UBE2E1: variants seen among roughly 807,000 people sequenced by gnomAD.
UBE2E1 encodes the protein ubiquitin-conjugating enzyme E2 E1.
A neutral mutation model predicts 21.4 loss-of-function variants in UBE2E1; 6 were observed. That is an observed-to-expected ratio of 0.28 (90% CI 0.15 to 0.55). The LOEUF (loss-of-function observed/expected upper bound fraction) is 0.55, where lower values mean the gene tolerates loss of function less well. UBE2E1 is among the 20% of genes least tolerant of loss of function. The probability of loss-of-function intolerance (pLI) is 0.93; values close to 1 mark genes in which losing one functional copy is unlikely to be tolerated. For missense variants in UBE2E1, 142 were observed against 236.5 expected (o/e 0.60, Z 2.62); for synonymous variants, 87 against 82.7 (o/e 1.05, Z -0.28).
At chr3:23,827,279 A>G (rs556680242) in intron 3 of UBE2E1, among the ~76,000 whole-genome samples, 16 of 152,352 alleles carry the variant, frequency 1.1e-4, no homozygotes, top group African/African-American at 3.8e-4. Context: ...TATATCCAGT[A>G]TTCTGGGTGT....
At chr3:23,859,125 TA>T in intron 3 of UBE2E1, among the ~76,000 whole-genome samples, 1 of 152,196 alleles carries the variant, frequency 6.6e-6, no homozygotes, top group African/African-American at 2.4e-5. Flanking sequence ...GTTACCTCAC[TA>T]AACACTCCTG....
intron 3 of UBE2E1, among the ~76,000 whole-genome samples, chr3:23,856,765 G>A (rs1473731489): frequency 6.6e-6 from 1 of 152,170 alleles, no homozygotes; most frequent in South Asian, 2.1e-4. Context: ...AGGTTAGAGG[G>A]GAATCAGAAA....
chr3:23,859,489 C>G (rs911506297), intron 3 of UBE2E1, among the ~76,000 whole-genome samples: 1 of 152,336 alleles, frequency 6.6e-6, no homozygotes, highest in African/African-American at 2.4e-5. Context: ...TTACCAGTGT[C>G]TGCTTACCAG....
Position 23,862,082 on chromosome 3 carries a change from G to A in UBE2E1, c.204-25485G>A, listed in dbSNP as rs529358078. ...CCGTGGGGTCGGCGCCTCACAGCCC[G>A]CCTGTCTGTATGCTCCCCTAGAGGT... On this transcript the variant is annotated intron_variant, in intron 3 of 5. Transcript: ENST00000306627. Among the ~76,000 whole-genome samples the A allele has an allele frequency of 3.0e-4, 45 of 152,300 alleles. 1 individual carries two copies. Among genetic ancestry groups the A allele is most frequent in the African/African-American group, 5.5e-4 (23 of 41,562 alleles).
chr3:23,874,741 A>G (rs1305810832), intron 3 of UBE2E1, among the ~76,000 whole-genome samples: 1 of 152,164 alleles, frequency 6.6e-6, no homozygotes, highest in African/African-American at 2.4e-5. Context: ...ATCCACCTTT[A>G]TCCTGACTTA....
intron 3 of UBE2E1, among the ~76,000 whole-genome samples, chr3:23,873,016 CAA>C (rs530180788): frequency 1.4e-5 from 2 of 140,702 alleles, no homozygotes. Context: ...GACTCCATCT[CAA>C]AAAAAAAAAA....
In UBE2E1 at chr3:23,842,615, G is replaced by C. The variant is rs1216678256; in HGVS notation, c.203+31105G>C. On this transcript the variant is annotated intron_variant, in intron 3 of 5. Coordinates refer to ENST00000306627, the MANE Select transcript of UBE2E1 (RefSeq NM_003341.5). The surrounding 1 kb of genome is among the most constrained non-coding windows in gnomAD (Gnocchi z 4.6). Reference sequence around the variant, plus strand: ...CTGAATTCATAGCTTGAGGAAATAAGTCGGAGTCTCATACCTCTGTGTCAA... The same window carrying C: ...CTGAATTCATAGCTTGAGGAAATAACTCGGAGTCTCATACCTCTGTGTCAA... Among the ~76,000 whole-genome samples, 4 of 152,154 alleles carry C rather than the reference G, an allele frequency of 2.6e-5. No individual in the cohort carries two copies.
intron 3 of UBE2E1, among the ~76,000 whole-genome samples, chr3:23,832,850 G>A (rs1699898460): frequency 6.6e-6 from 1 of 151,914 alleles, no homozygotes; most frequent in Non-Finnish European, 1.5e-5. Context: ...GAGCAACATG[G>A]TGAAACCCCC....
chr3:23,840,077 A>T (rs1700053908), intron 3 of UBE2E1, among the ~76,000 whole-genome samples: 1 of 152,130 alleles, frequency 6.6e-6, no homozygotes, highest in South Asian at 2.1e-4. Context: ...ATAGTCTAAC[A>T]TGCTGTTAAT....
Position 23,807,430 on chromosome 3 carries a change from C to T in UBE2E1, c.152+9C>T. 2 of 1,594,910 alleles carry T rather than the reference C, an allele frequency of 1.3e-6. No individual in the cohort carries two copies. Among genetic ancestry groups the T allele is most frequent in the Non-Finnish European group, 1.7e-6 (2 of 1,174,482 alleles). ...TCCACCAGCGCCAAGAGGTACTGTG[C>T]TCTTTTTTTTTTCCACAGGCTTCCT... On this transcript the variant is annotated intron_variant, in intron 2 of 5. Coordinates refer to ENST00000306627, the MANE Select transcript of UBE2E1 (RefSeq NM_003341.5).
chr3:23,876,076 T>C lies in UBE2E1; in HGVS notation c.204-11491T>C, dbSNP rs1271539052. Among the ~76,000 whole-genome samples, 15 of 152,154 alleles carry C rather than the reference T, an allele frequency of 9.9e-5. No individual in the cohort carries two copies. Among genetic ancestry groups the C allele is most frequent in the Admixed American group, 7.9e-4 (12 of 15,280 alleles). On this transcript the variant is annotated intron_variant, in intron 3 of 5. Transcript: ENST00000306627. This position sits in a 1 kb window ranked among gnomAD's most constrained non-coding sequence, Gnocchi z 4.3. Reference sequence around the variant, plus strand: ...GTGAGCCACTGTGCCCAGCCAAATATGTGAATTCTTGTGTGTGGGTACTAG... The same window carrying C: ...GTGAGCCACTGTGCCCAGCCAAATACGTGAATTCTTGTGTGTGGGTACTAG...
At chr3:23,851,439 T>TA (rs1384264332) in intron 3 of UBE2E1, among the ~76,000 whole-genome samples, 1 of 152,172 alleles carries the variant, frequency 6.6e-6, no homozygotes. Flanking sequence ...TGTTTTTTTT[T>TA]AAACAGTCCA....
At chr3:23,885,414 A>T (rs898033988) in intron 3 of UBE2E1, among the ~76,000 whole-genome samples, 1 of 152,218 alleles carries the variant, frequency 6.6e-6, no homozygotes, top group Non-Finnish European at 1.5e-5. Context: ...ATATCATTTC[A>T]CTGGAGAAGT....
intron 3 of UBE2E1, among the ~76,000 whole-genome samples, chr3:23,880,108 C>T (rs1701004826): frequency 6.6e-6 from 1 of 152,148 alleles, no homozygotes; most frequent in African/African-American, 2.4e-5. Context: ...TTAGGCTGGG[C>T]GCAGTGGCTC....
chr3:23,884,136 C>A (rs1030786064), intron 3 of UBE2E1, among the ~76,000 whole-genome samples: 2 of 151,406 alleles, frequency 1.3e-5, no homozygotes, highest in African/African-American at 4.8e-5. Context: ...AAGTGTAATA[C>A]GTTTTTTGTC....
At chr3:23,815,772 A>G (rs898709803) in intron 3 of UBE2E1, among the ~76,000 whole-genome samples, 1 of 152,254 alleles carries the variant, frequency 6.6e-6, no homozygotes, top group African/African-American at 2.4e-5. Context: ...CCTGTATCTT[A>G]TGTGCTAAAA....
chr3:23,811,414 G>A (rs1699389581), intron 2 of UBE2E1, 46 bp from the exon 3 acceptor site: 1 of 1,604,026 alleles, frequency 6.2e-7, no homozygotes, highest in African/African-American at 1.3e-5. Context: ...AGGCTTCCGC[G>A]CCTTAATGCT....
chr3:23,846,449 C>A (rs1700205358), intron 3 of UBE2E1, among the ~76,000 whole-genome samples: 1 of 152,076 alleles, frequency 6.6e-6, no homozygotes, highest in Admixed American at 6.5e-5. Flanking sequence ...GTAATCCCAG[C>A]ACTTTGGGAG....
intron 3 of UBE2E1, among the ~76,000 whole-genome samples, chr3:23,848,191 G>T (rs1575013364): frequency 6.6e-6 from 1 of 152,196 alleles, no homozygotes; most frequent in South Asian, 2.1e-4. Flanking sequence ...TATCTAGGCT[G>T]GGCGTAATAG....
Sources: gnomAD v4.1 joint callset for allele counts (sites outside exome capture counted in the v4.1 genomes callset) on GRCh38, gnomAD v4.1.1 for gene constraint, Gnocchi (gnomAD v3.1) non-coding constraint, MANE v1.5 for transcripts, NCBI Gene and HGNC (gene_info 2026-07-23, HGNC 2026-07-21) for gene names.